DDX17: variants seen among roughly 807,000 people sequenced by gnomAD.
DDX17 encodes DEAD-box helicase 17, also known as probable ATP-dependent RNA helicase DDX17.
A neutral mutation model predicts 80.8 loss-of-function variants in DDX17; 10 were observed. That is an observed-to-expected ratio of 0.12 (90% CI 0.08 to 0.21). The LOEUF (loss-of-function observed/expected upper bound fraction) is 0.21, where lower values mean the gene tolerates loss of function less well. Ranked by LOEUF, DDX17 falls within the 10% of genes least tolerant of loss-of-function variation. DDX17 has a pLI of 1.00. For missense variants in DDX17, 586 were observed against 957.4 expected, an observed-to-expected ratio of 0.61 and a Z score of 5.12; for synonymous variants, 339 against 336.2, an observed-to-expected ratio of 1.01 and a Z score of -0.09.
intron 3 of DDX17, 91 bp downstream of exon 3, chr22:38,499,309 C>A (rs2089803017): frequency 1.0e-6 from 1 of 976,832 alleles, no homozygotes; most frequent in Non-Finnish European, 1.6e-6. Context: ...CAACAAAACC[C>A]CAAGCCTGGC....
In DDX17 at chr22:38,506,234, G is replaced by A. The variant is rs1196643815; in HGVS notation, c.4C>T (p.Pro2Ser). 3 of 1,602,948 alleles carry A rather than the reference G, an allele frequency of 1.9e-6. No homozygotes were observed. Among genetic ancestry groups the A allele is most frequent in the East Asian group, 2.3e-5 (1 of 44,170 alleles). ...AGAATCGGGGCTACAAAGCCGGTGG[G>A]CAGGTTTGGCTACGCTCAAACCGGG... Residue 2 changes from proline (P) to serine (S), a missense_variant, in exon 1 of 13, where the codon CCC becomes TCC. Around this residue, in one of 4 missense-constraint regions of DDX17, gnomAD observed 215 missense variants for 238.4 expected, o/e 0.90. Transcript: ENST00000403230.
chr22:38,489,915 A>G lies in DDX17; in HGVS notation c.1448-1800T>C. The G allele has an allele frequency of 1.0e-6, 1 of 993,754 alleles. No homozygotes were observed. Among genetic ancestry groups the G allele is most frequent in the Non-Finnish European group, 1.2e-6 (1 of 834,690 alleles). The allele number at this position is 993,754 out of a possible 1,614,324, so 61.6% of individuals were successfully genotyped here. A position where few individuals can be genotyped will look rare whatever the true frequency, so the allele number is the denominator to read the frequency against. On this transcript the variant is annotated intron_variant, in intron 11 of 12. Transcript: ENST00000403230. This position sits in a 1 kb window ranked among gnomAD's most constrained non-coding sequence, Gnocchi z 4.6. ...AATGCTCCTTATGCAATCCCACTGC[A>G]TATGACCATGGCAGTAGAACAAGTT...
intron 3 of DDX17, among the ~76,000 whole-genome samples, chr22:38,499,196 C>A (rs559563416): frequency 1.3e-5 from 2 of 152,144 alleles, no homozygotes; most frequent in East Asian, 1.9e-4. Context: ...GAGGGCAAAA[C>A]CCTAGAAAAA....
chr22:38,502,965 C>A (rs1488908591), intron 1 of DDX17, among the ~76,000 whole-genome samples: 2 of 152,174 alleles, frequency 1.3e-5, no homozygotes, highest in Non-Finnish European at 2.9e-5. Context: ...GCTTAACCAG[C>A]CAGACATTCC....
chr22:38,498,669 AC>A, intron 3 of DDX17, 96 bp from the exon 4 acceptor site: 1 of 1,331,064 alleles, frequency 7.5e-7, no homozygotes, highest in Non-Finnish European at 1.0e-6. Flanking sequence ...GATAAGATTT[AC>A]CCAGCTTCAT....
rs1319340666 is a variant in DDX17 at position 38,485,690 on chromosome 22, ATATATTTT to A, written c.*237_*244del. On this transcript the variant is annotated 3_prime_UTR_variant, in exon 13 of 13. Coordinates refer to ENST00000403230, the MANE Select transcript of DDX17 (RefSeq NM_006386.5). ...CTTCCAGTCAGCTATATATATATAT[ATATATTTT>A]TTTTTTTTTTACAAAATGTTATTCC... The A allele has an allele frequency of 1.3e-4, 8 of 60,554 alleles. No homozygotes were observed. Among genetic ancestry groups the A allele is most frequent in the East Asian group, 3.3e-4 (1 of 3,076 alleles). 3.8% of individuals were successfully genotyped at this position (60,554 alleles called of 1,614,324 possible). A position where few individuals can be genotyped will look rare whatever the true frequency, so the allele number is the denominator to read the frequency against.
At chr22:38,495,081 T>A in intron 6 of DDX17, 35 bp from the exon 7 acceptor site, 2 of 1,594,582 alleles carry the variant, frequency 1.3e-6, no homozygotes, top group Middle Eastern at 1.7e-4. Context: ...GCCAATCGAC[T>A]AGGTGCAGTG....
chr22:38,492,126 AAAC>A lies in DDX17; in HGVS notation c.1388-14_1388-12del. On this transcript the variant is annotated splice_polypyrimidine_tract_variant and intron_variant, in intron 10 of 12. Transcript: ENST00000403230. ...TTCCAGAACGGAACTCTGTAAAAAC[AAAC>A]AATAATCATCATCAAATAAGCATTC... 1 of 1,606,290 alleles carries A rather than the reference AAAC, an allele frequency of 6.2e-7. No individual in the cohort carries two copies. Among genetic ancestry groups the A allele is most frequent in the South Asian group, 1.1e-5 (1 of 89,486 alleles).
At chr22:38,497,138 A>C (rs138446) in intron 5 of DDX17, among the ~76,000 whole-genome samples, 141,193 of 150,364 alleles carry the variant, frequency 0.94, 66,587 homozygotes, top group Non-Finnish European at 0.98. Flanking sequence ...TCTACTAAAA[A>C]TACAAAAATT....
chr22:38,494,039 C>T lies in DDX17; in HGVS notation c.1307G>A (p.Arg436Gln). The change falls in exon 9 of 13, where the codon CGA becomes CAA. Residue 436 changes from arginine to glutamine, a missense_variant. Transcript: ENST00000403230. ...TACTCACCCATCTCTGCGCATCCTT[C>T]GAGTCAGATCATCACAGCGTCTCTT... The T allele has an allele frequency of 6.2e-7, 1 of 1,613,708 alleles. No individual in the cohort carries two copies. Among genetic ancestry groups the T allele is most frequent in the Non-Finnish European group, 8.5e-7 (1 of 1,179,740 alleles).
chr22:38,503,464 C>T (rs2089850680), intron 1 of DDX17, among the ~76,000 whole-genome samples: 1 of 151,950 alleles, frequency 6.6e-6, no homozygotes, highest in African/African-American at 2.4e-5. Context: ...GCTATTTATT[C>T]AAGACATTCT....
intron 1 of DDX17, among the ~76,000 whole-genome samples, chr22:38,503,056 T>G (rs2089846110): frequency 6.6e-6 from 1 of 152,202 alleles, no homozygotes; most frequent in Non-Finnish European, 1.5e-5. Context: ...AGGCAGAACT[T>G]GGCTAATTCC....
chr22:38,499,635 G>A (rs2089806603), intron 2 of DDX17, 136 bp from the exon 3 acceptor site: 1 of 674,160 alleles, frequency 1.5e-6, no homozygotes, highest in East Asian at 2.7e-5. Flanking sequence ...GTACTTTCAT[G>A]TGTATCACTT....
Position 38,484,243 on chromosome 22 carries a change from A to AT in DDX17, c.*1691dup, listed in dbSNP as rs2145678838. ...CTCCCTTGGCCTCAACTTCTGTAAGATGGGGGGGGGACAAAAAGAGAAGTA... is the reference window on the plus strand; with the variant it reads ...CTCCCTTGGCCTCAACTTCTGTAAGATTGGGGGGGGGACAAAAAGAGAAGTA... On this transcript the variant is annotated 3_prime_UTR_variant, in exon 13 of 13. Transcript: ENST00000403230. 1.8e-5 allele frequency: 2 copies of AT among 108,260 alleles called. No homozygotes were observed. Among genetic ancestry groups the AT allele is most frequent in the African/African-American group, 7.1e-5 (2 of 28,204 alleles). 6.7% of individuals were successfully genotyped at this position (108,260 alleles called of 1,614,324 possible). A position where few individuals can be genotyped will look rare whatever the true frequency, so the allele number is the denominator to read the frequency against.
At chr22:38,492,544 T>C (rs1327142793) in intron 10 of DDX17, among the ~76,000 whole-genome samples, 1 of 152,236 alleles carries the variant, frequency 6.6e-6, no homozygotes, top group African/African-American at 2.4e-5. Flanking sequence ...TGGAGTGCAG[T>C]GGCGCAATCT....
At chr22:38,488,268 A>C (rs748091136) in intron 11 of DDX17, 153 bp from the exon 12 acceptor site, 1 of 1,545,680 alleles carries the variant, frequency 6.5e-7, no homozygotes, top group East Asian at 2.3e-5. Flanking sequence ...AAACAAAAAA[A>C]GACTCATCCC....
In DDX17 at chr22:38,495,923, A is replaced by C; in HGVS notation, c.753T>G (p.Ala251=). The C allele has an allele frequency of 3.0e-5, 48 of 1,600,152 alleles. No individual in the cohort carries two copies. Among genetic ancestry groups the C allele is most frequent in the Non-Finnish European group, 4.1e-5 (48 of 1,174,096 alleles). Residue 251 remains alanine, a synonymous_variant, in exon 6 of 13, where the codon GCT becomes GCG. Coordinates refer to ENST00000403230, the MANE Select transcript of DDX17 (RefSeq NM_006386.5). ...CTTGCTGGGCAAGCTCTCTGGTAGG[A>C]GCCAGAACTAGACACTGAAACCAAC...
In DDX17 at chr22:38,491,953, C is replaced by T. The variant is rs2089718076; in HGVS notation, c.1447+103G>A. On this transcript the variant is annotated intron_variant, in intron 11 of 12. Transcript: ENST00000403230. ...TTTCTTTCAAATATTTATCTAACCA[C>T]ATGTATATACAACTTTCTAAACTTG... 5.8e-6 allele frequency: 4 copies of T among 695,192 alleles called. No individual in the cohort carries two copies. The East Asian group carries it at 9.3e-5, about 16-fold the overall frequency. The allele number at this position is 695,192 out of a possible 1,614,324, so 43.1% of individuals were successfully genotyped here. A position where few individuals can be genotyped will look rare whatever the true frequency, so the allele number is the denominator to read the frequency against.
chr22:38,503,621 C>T (rs755918648), intron 1 of DDX17, among the ~76,000 whole-genome samples: 9 of 152,176 alleles, frequency 5.9e-5, no homozygotes, highest in African/African-American at 9.7e-5. Flanking sequence ...TCTTTAAATA[C>T]GCACACTGTA....
Sources: gnomAD v4.1 joint callset for allele counts (sites outside exome capture counted in the v4.1 genomes callset) on GRCh38, gnomAD v4.1.1 for gene constraint, gnomAD v4.1.1 regional missense constraint, Gnocchi (gnomAD v3.1) non-coding constraint, MANE v1.5 for transcripts, NCBI Gene and HGNC (gene_info 2026-07-23, HGNC 2026-07-21) for gene names.